MYO9B: variants seen among roughly 807,000 people sequenced by gnomAD.
MYO9B encodes the protein myosin IXB.
In MYO9B, 71 loss-of-function variants were observed where a neutral mutation model predicts 229.5. That is an observed-to-expected ratio of 0.31 (90% confidence interval 0.26 to 0.38). The LOEUF (loss-of-function observed/expected upper bound fraction) is 0.38. Among genes scored for constraint, MYO9B ranks in the 10% least tolerant of loss-of-function variants. MYO9B has a pLI of 1.00. For synonymous variants in MYO9B, 1,185 were observed against 1,235.8 expected (o/e 0.96, Z 0.86); for missense variants, 2,255 against 2,920.5 (o/e 0.77, Z 5.25).
chr19:17,087,046 G>A (rs1052501073), intron 1 of MYO9B, among the ~76,000 whole-genome samples: 3 of 152,078 alleles, frequency 2.0e-5, no homozygotes, highest in Admixed American at 6.6e-5. Context: ...TGTGTTATCC[G>A]TCTCCTTCAC....
At chr19:17,191,708 G>T (rs990874712) in intron 20 of MYO9B, among the ~76,000 whole-genome samples, 138 of 152,272 alleles carry the variant, frequency 9.1e-4, no homozygotes, top group Middle Eastern at 3.4e-3. Flanking sequence ...AAGCGAGGTG[G>T]CATGCACGCA....
intron 22 of MYO9B, among the ~76,000 whole-genome samples, chr19:17,197,563 CTG>C (rs2073059783): frequency 6.6e-6 from 1 of 152,178 alleles, no homozygotes; most frequent in South Asian, 2.1e-4. Context: ...AGACCATTCT[CTG>C]TAGGGTATTG....
At chr19:17,163,559 G>A (rs2072627999) in intron 10 of MYO9B, among the ~76,000 whole-genome samples, 1 of 151,866 alleles carries the variant, frequency 6.6e-6, no homozygotes, top group Non-Finnish European at 1.5e-5. Context: ...GTAGAGACAA[G>A]GTTTTGCCAT....
At position 17,207,217 on chromosome 19, in the gene MYO9B, G is replaced by A. The variant is rs747720720; in HGVS notation, c.5597G>A (p.Ser1866Asn). ...RCPDNSDPLT[S>N]MKDVLKITTC... is the part of the protein sequence containing the mutation. ...CCTGACAACTCGGACCCGCTGACCA[G>A]CATGAAGGACGTCCTCAAGATCACC... Residue 1866 changes from serine (S) to asparagine (N), a missense_variant, in exon 35 of 40, where the codon AGC becomes AAC. Physicochemically the swap from Ser to Asn is conservative, Grantham distance 46. Around this residue, in one of 7 missense-constraint regions of MYO9B, gnomAD observed 416 missense variants for 605.5 expected, o/e 0.69. Coordinates refer to ENST00000682292, the MANE Select transcript of MYO9B (RefSeq NM_004145.4). 2.6e-5 allele frequency: 41 copies of A among 1,599,506 alleles called. No individual in the cohort carries two copies. The highest frequency in any genetic ancestry group is 3.2e-5 in the Non-Finnish European group (38 of 1,174,298).
intron 31 of MYO9B, 138 bp downstream of exon 31, chr19:17,205,474 G>A: frequency 1.3e-6 from 1 of 763,544 alleles, no homozygotes. Flanking sequence ...TGGTTCTGCA[G>A]AACACACCAT....
Position 17,189,078 on chromosome 19 carries a change from T to C in MYO9B, c.2688+1033T>C, listed in dbSNP as rs2072951916. Among the ~76,000 whole-genome samples the C allele has an allele frequency of 2.0e-5, 3 of 151,858 alleles. No individual in the cohort carries two copies. The South Asian group carries it at 6.2e-4, about 31-fold the overall frequency. The stretch of plus-strand genomic sequence containing the variant: ...TGGGAGGCTGAGGCAGGAGAATTGC[T>C]TGAACCCGGGAGATGGAGGTTGCAA... On this transcript the variant is annotated intron_variant, in intron 19 of 39. Coordinates refer to ENST00000682292, the MANE Select transcript of MYO9B (RefSeq NM_004145.4).
rs778352604 is a variant in MYO9B, at chr19:17,202,211, CAGA to C, written c.4747_4749del (p.Lys1583del). 3.1e-5 allele frequency: 50 copies of C among 1,612,608 alleles called. No individual in the cohort carries two copies. The South Asian group carries it at 4.2e-4, about 13-fold the overall frequency. ...CAGCAACCTGGCCACTGAGCGTGGC[CAGA>C]AGGACACCAACCTGGTCCTCAACCT... On this transcript the variant is annotated inframe_deletion, in exon 28 of 40. Coordinates refer to ENST00000682292, the MANE Select transcript of MYO9B (RefSeq NM_004145.4).
At chr19:17,163,961 A>G (rs1327605206) in intron 10 of MYO9B, among the ~76,000 whole-genome samples, 1 of 152,174 alleles carries the variant, frequency 6.6e-6, no homozygotes, top group Non-Finnish European at 1.5e-5. Flanking sequence ...ATATCTCTTC[A>G]AGACGCTGCT....
intron 30 of MYO9B, among the ~76,000 whole-genome samples, chr19:17,203,852 G>A (rs1331977429): frequency 6.6e-6 from 1 of 151,866 alleles, no homozygotes; most frequent in Non-Finnish European, 1.5e-5. Flanking sequence ...CTGAACCATC[G>A]GCCCCTCCTT....
intron 3 of MYO9B, among the ~76,000 whole-genome samples, chr19:17,145,996 T>C (rs569961483): frequency 9.9e-5 from 15 of 150,844 alleles, no homozygotes; most frequent in African/African-American, 3.7e-4. Flanking sequence ...GAGAGACAGA[T>C]GGATTCATGG....
chr19:17,178,245 A>G (rs2145390107), intron 14 of MYO9B, among the ~76,000 whole-genome samples: 1 of 152,294 alleles, frequency 6.6e-6, no homozygotes, highest in South Asian at 2.1e-4. Flanking sequence ...GGCATGGTGC[A>G]TGGAGCACAG....
rs2072780738 is a variant in MYO9B, at chr19:17,175,825, T to C, written c.2219+84T>C. The C allele has an allele frequency of 3.2e-5, 3 of 95,042 alleles. No individual in the cohort carries two copies. The East Asian group carries it at 2.6e-3, about 81-fold the overall frequency. The allele number at this position is 95,042 out of a possible 1,614,324, so 5.9% of individuals were successfully genotyped here. ...AAACAACTTAGGGAATGCTACATTC[T>C]TTTTTTTTTTTTTTTTTTTCTTTTG... On this transcript the variant is annotated intron_variant, in intron 14 of 39. Transcript: ENST00000682292.
chr19:17,089,479 G>T (rs994602983), intron 1 of MYO9B, among the ~76,000 whole-genome samples: 5 of 152,128 alleles, frequency 3.3e-5, no homozygotes, highest in African/African-American at 1.2e-4. Context: ...TGGAGGCCCC[G>T]TCCGGAGGCC....
At chr19:17,132,090 A>G (rs1314739049) in intron 2 of MYO9B, among the ~76,000 whole-genome samples, 2 of 150,306 alleles carry the variant, frequency 1.3e-5, no homozygotes, top group South Asian at 2.1e-4. Flanking sequence ...CTGCTCTTGA[A>G]CTTCCTGGGC....
intron 22 of MYO9B, 81 bp from the exon 23 acceptor site, chr19:17,197,711 G>A: frequency 6.5e-7 from 1 of 1,541,726 alleles, no homozygotes. Context: ...CTGCCCAAGT[G>A]AGAACCCAAG....
At chr19:17,147,369 C>T (rs956546779) in intron 3 of MYO9B, among the ~76,000 whole-genome samples, 6 of 151,860 alleles carry the variant, frequency 4.0e-5, no homozygotes, top group South Asian at 4.1e-4. Context: ...GTGGTGAAAC[C>T]GCCATCTCTA....
chr19:17,144,984 A>G (rs1220962613), intron 2 of MYO9B, among the ~76,000 whole-genome samples: 4 of 151,022 alleles, frequency 2.6e-5, no homozygotes, highest in Admixed American at 2.6e-4. Flanking sequence ...AAAAAAAAAA[A>G]AAAAAAAGAA....
At position 17,176,190 on chromosome 19, in the gene MYO9B, C is replaced by G. The variant is rs188840060; in HGVS notation, c.2219+449C>G. Among the ~76,000 whole-genome samples the G allele has an allele frequency of 1.5e-3, 234 of 152,188 alleles. 1 individual carries two copies. Among genetic ancestry groups the G allele is most frequent in the African/African-American group, 5.3e-3 (220 of 41,526 alleles). On this transcript the variant is annotated intron_variant, in intron 14 of 39. Transcript: ENST00000682292. ...GACTACAGGCACCCGCCACCACACC[C>G]GGCTAATTTCTTTTGTATTTTTTTT...
intron 1 of MYO9B, among the ~76,000 whole-genome samples, chr19:17,089,959 C>T (rs769769876): frequency 6.6e-6 from 1 of 152,088 alleles, no homozygotes; most frequent in African/African-American, 2.4e-5. Context: ...CTGACAACGA[C>T]TCATCACTTT....
Sources: gnomAD v4.1 joint callset for allele counts (sites outside exome capture counted in the v4.1 genomes callset) on GRCh38, gnomAD v4.1.1 for gene constraint, gnomAD v4.1.1 regional missense constraint, MANE v1.5 for transcripts, NCBI Gene and HGNC (gene_info 2026-07-23, HGNC 2026-07-21) for gene names.